Variants in PCDHGA1 observed in about 807,000 individuals in gnomAD.
PCDHGA1 encodes protocadherin gamma-A1.
A neutral mutation model predicts 58.0 loss-of-function variants in PCDHGA1; 32 were observed. The ratio of observed to expected loss-of-function variants is 0.55; its 90% CI spans 0.42 to 0.74. The LOEUF (loss-of-function observed/expected upper bound fraction) is 0.74, where lower values mean the gene tolerates loss of function less well. Among genes scored for constraint, PCDHGA1 ranks in the 30% least tolerant of loss-of-function variants. The probability of loss-of-function intolerance (pLI) is 0.00; values close to 1 mark genes in which losing one functional copy is unlikely to be tolerated. For missense variants in PCDHGA1, 1,205 were observed against 1,182.3 expected, an observed-to-expected ratio of 1.02 and a Z score of -0.28; for synonymous variants, 498 against 501.1, an observed-to-expected ratio of 0.99 and a Z score of 0.08.
At chr5:141,352,456 G>A in intron 1 of PCDHGA1, 2 of 1,614,010 alleles carry the variant, frequency 1.2e-6, no homozygotes, top group Non-Finnish European at 1.7e-6. Context: ...CCAAGTCTGG[G>A]CCCGGGGTTC....
chr5:141,414,783 G>C, intron 1 of PCDHGA1: 2 of 1,614,220 alleles, frequency 1.2e-6, no homozygotes, highest in Non-Finnish European at 1.7e-6. Context: ...AGATGCAGGT[G>C]ACAGCCAGCG....
At position 141,489,969 on chromosome 5, in the gene PCDHGA1, A is replaced by C. The variant is rs746202385; in HGVS notation, c.2422-4838A>C. On this transcript the variant is annotated intron_variant, in intron 1 of 3. Coordinates refer to ENST00000517417, the MANE Select transcript of PCDHGA1 (RefSeq NM_018912.3). This position sits in a 1 kb window ranked among gnomAD's most constrained non-coding sequence, Gnocchi z 4.5. The stretch of plus-strand genomic sequence containing the variant: ...TCAATGATAATGCTCCAACCTTCCA[A>C]TCCTCAGTTCTACGTGTGGGAATCC... 4 of 1,614,008 alleles carry C rather than the reference A, an allele frequency of 2.5e-6. No individual in the cohort carries two copies.
chr5:141,509,586 T>A (rs2154594569), intron 3 of PCDHGA1, among the ~76,000 whole-genome samples: 1 of 152,302 alleles, frequency 6.6e-6, no homozygotes, highest in East Asian at 1.9e-4. Flanking sequence ...ACAAATCAGC[T>A]GGCAATTCCG....
chr5:141,425,394 G>T (rs186813737), intron 1 of PCDHGA1, among the ~76,000 whole-genome samples: 10 of 152,302 alleles, frequency 6.6e-5, no homozygotes, highest in African/African-American at 2.4e-4. Context: ...TAGTGATAAA[G>T]TTCTGTTAAG....
chr5:141,371,825 G>A (rs1239561889), intron 1 of PCDHGA1: 1 of 1,613,792 alleles, frequency 6.2e-7, no homozygotes, highest in Non-Finnish European at 8.5e-7. Context: ...TCAGAGCCTC[G>A]GATCCCGACT....
intron 2 of PCDHGA1, among the ~76,000 whole-genome samples, chr5:141,496,468 C>T (rs1410143575): frequency 2.0e-5 from 3 of 152,126 alleles, no homozygotes; most frequent in Non-Finnish European, 4.4e-5. Context: ...AGTTATCTTT[C>T]CCCCATCCTG....
chr5:141,360,976 T>C (rs1761825679), intron 1 of PCDHGA1: 2 of 1,613,684 alleles, frequency 1.2e-6, no homozygotes, highest in South Asian at 2.2e-5. Flanking sequence ...CACCTACTCC[T>C]TTCATAATGT....
rs1391302749 is a variant in PCDHGA1 at position 141,344,602 on chromosome 5, A to G, written c.2421+11497A>G. On this transcript the variant is annotated intron_variant, in intron 1 of 3. Coordinates refer to ENST00000517417, the MANE Select transcript of PCDHGA1 (RefSeq NM_018912.3). ...GTGAATAGCGTCTCTGAGGGGGCCA[A>G]GTATCCAGAGCTGGTGCTGGAGCGG... is the stretch of plus-strand genomic sequence containing the variant. 6 of 1,613,900 alleles carry G rather than the reference A, an allele frequency of 3.7e-6. No homozygotes were observed. The highest frequency in any genetic ancestry group is 5.1e-6 in the Non-Finnish European group (6 of 1,179,896).
chr5:141,331,144 T>C lies in PCDHGA1; in HGVS notation c.460T>C (p.Leu154=), dbSNP rs1158827038. The C allele has an allele frequency of 1.2e-6, 2 of 1,614,172 alleles. No individual in the cohort carries two copies. Among genetic ancestry groups the C allele is most frequent in the Non-Finnish European group, 1.7e-6 (2 of 1,180,032 alleles). ...EITTPGTRVS[L]PFGQDLDVGM... ...AACGACTCCAGGTACCAGAGTCTCA[T>C]TGCCTTTTGGGCAAGACCTTGATGT... The change falls in exon 1 of 4, where the codon TTG becomes CTG. Residue 154 remains leucine, a synonymous_variant. Coordinates refer to ENST00000517417, the MANE Select transcript of PCDHGA1 (RefSeq NM_018912.3).
intron 1 of PCDHGA1, chr5:141,374,142 T>C (rs1270815703): frequency 6.2e-7 from 1 of 1,610,314 alleles, no homozygotes; most frequent in South Asian, 1.1e-5. Context: ...CTCACGCTCC[T>C]GGGGACGCTG....
At chr5:141,348,476 C>A (rs1758126932) in intron 1 of PCDHGA1, among the ~76,000 whole-genome samples, 1 of 152,178 alleles carries the variant, frequency 6.6e-6, no homozygotes, top group East Asian at 1.9e-4. Flanking sequence ...GTATCACTTT[C>A]CCTGTAAGGA....
intron 2 of PCDHGA1, among the ~76,000 whole-genome samples, chr5:141,496,189 G>T (rs1362938002): frequency 1.3e-5 from 2 of 152,004 alleles, no homozygotes; most frequent in African/African-American, 4.8e-5. Context: ...AGCCCCAGCT[G>T]CTCATTTCAA....
At chr5:141,456,873 G>A (rs2098894054) in intron 1 of PCDHGA1, among the ~76,000 whole-genome samples, 1 of 152,152 alleles carries the variant, frequency 6.6e-6, no homozygotes, top group Non-Finnish European at 1.5e-5. Context: ...TGAGGCAGGA[G>A]AATCGCTTGA....
intron 2 of PCDHGA1, among the ~76,000 whole-genome samples, chr5:141,502,337 T>C (rs1562205634): frequency 6.6e-6 from 1 of 152,184 alleles, no homozygotes; most frequent in Admixed American, 6.5e-5. Flanking sequence ...CCCAGTCTTT[T>C]TATTTTTTTA....
intron 1 of PCDHGA1, chr5:141,409,000 C>T (rs779251035): frequency 6.2e-7 from 1 of 1,613,950 alleles, no homozygotes; most frequent in South Asian, 1.1e-5. Context: ...AAGTGACAGC[C>T]ACTGACCAGG....
intron 1 of PCDHGA1, chr5:141,357,155 C>T (rs2149794664): frequency 6.2e-7 from 1 of 1,613,630 alleles, no homozygotes; most frequent in Non-Finnish European, 8.5e-7. Flanking sequence ...CATGGCCAGC[C>T]CCCTCTCTCG....
rs140056243 is a variant in PCDHGA1 at position 141,487,386 on chromosome 5, G to A, written c.2422-7421G>A. 21 of 1,614,046 alleles carry A rather than the reference G, an allele frequency of 1.3e-5. No individual in the cohort carries two copies. The highest frequency in any genetic ancestry group is 4.0e-5 in the African/African-American group (3 of 74,920). On this transcript the variant is annotated intron_variant, in intron 1 of 3. Coordinates refer to ENST00000517417, the MANE Select transcript of PCDHGA1 (RefSeq NM_018912.3). The surrounding 1 kb of genome is among the most constrained non-coding windows in gnomAD (Gnocchi z 5.0). Reference sequence around the variant, plus strand: ...ACCTGTGCCTGTCTCACCAGATCTCGAAGGAGGGAGGGGCTTCCCCCTTCC... The same window carrying A: ...ACCTGTGCCTGTCTCACCAGATCTCAAAGGAGGGAGGGGCTTCCCCCTTCC...
chr5:141,413,263 G>A, intron 1 of PCDHGA1: 1 of 1,613,940 alleles, frequency 6.2e-7, no homozygotes, highest in Admixed American at 1.7e-5. Flanking sequence ...TCCATGGGAG[G>A]CTGGAGCCCG....
chr5:141,371,950 C>A (rs749822569), intron 1 of PCDHGA1: 2 of 1,613,286 alleles, frequency 1.2e-6, no homozygotes, highest in South Asian at 2.2e-5. Flanking sequence ...GCGCAGCGAG[C>A]CTTCGACCAC....
Sources: allele counts gnomAD v4.1 joint callset (sites outside exome capture counted in the v4.1 genomes callset), GRCh38; gene constraint gnomAD v4.1.1; non-coding constraint Gnocchi (gnomAD v3.1); transcripts MANE v1.5; gene names NCBI Gene and HGNC (gene_info 2026-07-23, HGNC 2026-07-21).